Variants in TECPR2 observed in about 807,000 individuals in gnomAD.
TECPR2 encodes tectonin beta-propeller repeat-containing protein 2.
TECPR2 carries 65 observed loss-of-function variants against 138.1 expected under a neutral mutation model. The observed-to-expected ratio is 0.47, with a 90% CI of 0.39 to 0.58. The LOEUF (loss-of-function observed/expected upper bound fraction) is 0.58. TECPR2 is among the 20% of genes least tolerant of loss of function. The pLI is 0.00. For missense variants in TECPR2, 1,553 were observed against 1,824.5 expected, an observed-to-expected ratio of 0.85 and a Z score of 2.71; for synonymous variants, 746 against 749.8, an observed-to-expected ratio of 0.99 and a Z score of 0.08.
At chr14:102,370,192 C>T (rs1246986240) in intron 1 of TECPR2, among the ~76,000 whole-genome samples, 1 of 151,996 alleles carries the variant, frequency 6.6e-6, no homozygotes. Flanking sequence ...CTGCCTCAGC[C>T]TCCTGAGTAG....
intron 1 of TECPR2, among the ~76,000 whole-genome samples, chr14:102,366,712 G>A (rs1014241131): frequency 5.3e-5 from 8 of 152,192 alleles, no homozygotes; most frequent in Admixed American, 6.5e-5. Flanking sequence ...AATCTTTACT[G>A]AGCATCTACT....
intron 14 of TECPR2, among the ~76,000 whole-genome samples, chr14:102,450,226 A>G (rs146868917): frequency 6.6e-6 from 1 of 152,318 alleles, no homozygotes; most frequent in African/African-American, 2.4e-5. Flanking sequence ...GGTGATCGCC[A>G]CTGTTGGAAA....
chr14:102,367,207 C>A (rs1340191753), intron 1 of TECPR2, among the ~76,000 whole-genome samples: 2 of 152,098 alleles, frequency 1.3e-5, no homozygotes, highest in Non-Finnish European at 2.9e-5. Context: ...GGTCTGATTT[C>A]TCTTTGAAGG....
At chr14:102,373,693 AATT>A (rs1243595758) in intron 1 of TECPR2, among the ~76,000 whole-genome samples, 13 of 152,106 alleles carry the variant, frequency 8.5e-5, no homozygotes, top group Non-Finnish European at 1.8e-4. Flanking sequence ...AGAGGAATGC[AATT>A]ATTATTATTA....
At chr14:102,412,200 C>T (rs1000820845) in intron 4 of TECPR2, among the ~76,000 whole-genome samples, 7 of 145,374 alleles carry the variant, frequency 4.8e-5, no homozygotes, top group Admixed American at 2.1e-4. Flanking sequence ...GGTGCAATCA[C>T]GGCTCACTGC....
chr14:102,453,172 A>G (rs1194175894), intron 16 of TECPR2, among the ~76,000 whole-genome samples: 5 of 152,160 alleles, frequency 3.3e-5, no homozygotes, highest in African/African-American at 7.2e-5. Flanking sequence ...GGAGTAGGCT[A>G]AGAAATGTAG....
chr14:102,490,629 C>T (rs548822949), intron 17 of TECPR2, among the ~76,000 whole-genome samples: 94 of 152,346 alleles, frequency 6.2e-4, no homozygotes, highest in Admixed American at 1.9e-3. Context: ...CCCGGCCTGG[C>T]GTCTGCTCTG....
intron 6 of TECPR2, 152 bp from the exon 7 acceptor site, chr14:102,428,098 G>T: frequency 8.9e-7 from 1 of 1,128,010 alleles, no homozygotes; most frequent in Non-Finnish European, 1.2e-6. Context: ...ACCTAACTTT[G>T]GATTGAATTG....
Position 102,369,230 on chromosome 14 carries a change from C to A in TECPR2, c.-73+6114C>A, listed in dbSNP as rs190565602. 2.8e-3 allele frequency among the ~76,000 whole-genome samples: 428 copies of A among 152,276 alleles called. 2 individuals are homozygous for A. The highest frequency in any genetic ancestry group is 9.7e-3 in the African/African-American group (401 of 41,546). On this transcript the variant is annotated intron_variant, in intron 1 of 19. Transcript: ENST00000359520. ...TGCACTTTTGAGGCAAATCTCTTGA[C>A]TCCCTTCTAGCTAGACTGCAGTCTC...
At chr14:102,387,879 C>G (rs1288439881) in intron 2 of TECPR2, among the ~76,000 whole-genome samples, 2 of 152,252 alleles carry the variant, frequency 1.3e-5, no homozygotes, top group Non-Finnish European at 1.5e-5. Flanking sequence ...GAGAAGGTGA[C>G]AGTTGAACAA....
chr14:102,489,603 G>A (rs1399058022), intron 17 of TECPR2, among the ~76,000 whole-genome samples: 2 of 151,816 alleles, frequency 1.3e-5, no homozygotes, highest in African/African-American at 4.8e-5. Flanking sequence ...TACTCGGGAG[G>A]CTGAGGCAGG....
At chr14:102,397,369 A>G (rs990038793) in intron 2 of TECPR2, among the ~76,000 whole-genome samples, 2 of 152,228 alleles carry the variant, frequency 1.3e-5, no homozygotes, top group African/African-American at 4.8e-5. Context: ...AGGAAAAAAA[A>G]AACAACTGAA....
At chr14:102,460,337 G>A (rs1044237794) in intron 16 of TECPR2, among the ~76,000 whole-genome samples, 3 of 151,734 alleles carry the variant, frequency 2.0e-5, no homozygotes, top group Non-Finnish European at 4.4e-5. Flanking sequence ...AACAAGGCCA[G>A]GTACAGTGGC....
Position 102,425,294 on chromosome 14 carries a change from AAGTGAAGG to A in TECPR2, c.951+4_951+11del. 6.4e-7 allele frequency: 1 copy of A among 1,573,872 alleles called. No individual in the cohort carries two copies. Among genetic ancestry groups the A allele is most frequent in the South Asian group, 1.2e-5 (1 of 84,890 alleles). ...ATCTCCTAGACACAGTCAACCAGGTAAGTGAAGGGACGCCACCATATCTTCTGTGTCTA... is the reference window on the plus strand; with the variant it reads ...ATCTCCTAGACACAGTCAACCAGGTAGACGCCACCATATCTTCTGTGTCTA... On this transcript the variant is annotated splice_donor_5th_base_variant and intron_variant, in intron 6 of 19. Coordinates refer to ENST00000359520, the MANE Select transcript of TECPR2 (RefSeq NM_014844.5).
At chr14:102,424,884 T>C (rs1384780111) in intron 5 of TECPR2, 95 bp from the exon 6 acceptor site, 13 of 1,274,900 alleles carry the variant, frequency 1.0e-5, no homozygotes, top group Non-Finnish European at 1.4e-5. Context: ...AGCCAAAAAA[T>C]TCTTGTTGTA....
chr14:102,479,552 C>G (rs958799364), intron 17 of TECPR2, among the ~76,000 whole-genome samples: 2 of 152,130 alleles, frequency 1.3e-5, no homozygotes, highest in African/African-American at 4.8e-5. Context: ...TGGAGAAGGT[C>G]TGCAGTGAGC....
At chr14:102,387,804 G>A (rs927041403) in intron 2 of TECPR2, among the ~76,000 whole-genome samples, 12 of 152,320 alleles carry the variant, frequency 7.9e-5, no homozygotes, top group African/African-American at 2.6e-4. Flanking sequence ...GGGATTACAG[G>A]CGTGAGCCAC....
chr14:102,498,475 T>C lies in TECPR2; in HGVS notation c.*218T>C. 1.6e-6 allele frequency: 1 copy of C among 636,350 alleles called. No homozygotes were observed. The allele number at this position is 636,350 out of a possible 1,614,324, so 39.4% of individuals were successfully genotyped here. A position where few individuals can be genotyped will look rare whatever the true frequency, so the allele number is the denominator to read the frequency against. On this transcript the variant is annotated 3_prime_UTR_variant, in exon 20 of 20. Coordinates refer to ENST00000359520, the MANE Select transcript of TECPR2 (RefSeq NM_014844.5). Reference sequence around the variant, plus strand: ...GCGTGATTGCTGCAGCAGTGGCGCCTCCTAGCTCAGGACAGTGGCGACTGC... The same window carrying C: ...GCGTGATTGCTGCAGCAGTGGCGCCCCCTAGCTCAGGACAGTGGCGACTGC...
In TECPR2 at chr14:102,460,942, G is replaced by A. The variant is rs559912031; in HGVS notation, c.3641-4199G>A. Among the ~76,000 whole-genome samples the A allele has an allele frequency of 3.3e-3, 500 of 151,968 alleles. 4 individuals are homozygous for A. Among genetic ancestry groups the A allele is most frequent in the African/African-American group, 0.011 (458 of 41,458 alleles). ...GATCTCCTGATCTTGTGATCCACCC[G>A]CCTCAGCCTCCCAAAGTGCTGGGAT... On this transcript the variant is annotated intron_variant, in intron 16 of 19. Transcript: ENST00000359520.
Sources: gnomAD v4.1 joint callset for allele counts (sites outside exome capture counted in the v4.1 genomes callset) on GRCh38, gnomAD v4.1.1 for gene constraint, MANE v1.5 for transcripts, NCBI Gene and HGNC (gene_info 2026-07-23, HGNC 2026-07-21) for gene names.